Variants in PARN observed in about 807,000 individuals in gnomAD.
PARN encodes poly(A)-specific ribonuclease PARN.
In PARN, 71 loss-of-function variants were observed where a neutral mutation model predicts 102.8. That is an observed-to-expected ratio of 0.69 (90% CI 0.57 to 0.84). The LOEUF is 0.84. Ranked by LOEUF, PARN falls within the 40% of genes least tolerant of loss-of-function variation. PARN has a pLI of 0.00. For missense variants in PARN, 782 were observed against 760.9 expected, an observed-to-expected ratio of 1.03 and a Z score of -0.33; for synonymous variants, 261 against 252.9, an observed-to-expected ratio of 1.03 and a Z score of -0.30.
intron 22 of PARN, among the ~76,000 whole-genome samples, chr16:14,458,273 CA>C (rs924444350): frequency 1.1e-3 from 161 of 152,208 alleles, no homozygotes; most frequent in African/African-American, 3.6e-3. Context: ...AGGCTAGGAT[CA>C]AATTTACTTT....
intron 21 of PARN, among the ~76,000 whole-genome samples, chr16:14,483,742 C>T (rs1049860058): frequency 1.3e-5 from 2 of 152,202 alleles, no homozygotes; most frequent in Non-Finnish European, 2.9e-5. Context: ...TTATCTTCCT[C>T]AACTTGAAAA....
At chr16:14,606,745 T>A in intron 9 of PARN, among the ~76,000 whole-genome samples, 1 of 152,066 alleles carries the variant, frequency 6.6e-6, no homozygotes, top group East Asian at 1.9e-4. Flanking sequence ...TGGATTTGAC[T>A]TCAAATTAAT....
At chr16:14,559,294 TA>T (rs1967904810) in intron 18 of PARN, among the ~76,000 whole-genome samples, 1 of 151,982 alleles carries the variant, frequency 6.6e-6, no homozygotes, top group Non-Finnish European at 1.5e-5. Flanking sequence ...TTTTGAAAAA[TA>T]TTTTTTGTCA....
chr16:14,483,345 T>C (rs775255178), intron 21 of PARN, among the ~76,000 whole-genome samples: 30 of 152,166 alleles, frequency 2.0e-4, no homozygotes, highest in Non-Finnish European at 4.1e-4. Context: ...CTAATCTTCA[T>C]AGTACGCTTG....
At chr16:14,627,004 G>GC in intron 5 of PARN, 102 bp downstream of exon 5, 1 of 697,304 alleles carries the variant, frequency 1.4e-6, no homozygotes. Context: ...GAAATGATTT[G>GC]CCCCAAAGCC....
chr16:14,555,473 A>G (rs890017800), intron 19 of PARN, among the ~76,000 whole-genome samples, 181 bp downstream of exon 19: 2 of 152,236 alleles, frequency 1.3e-5, no homozygotes, highest in African/African-American at 4.8e-5. Flanking sequence ...ACATAAATGA[A>G]GAAATGACTA....
chr16:14,531,775 T>G (rs1486726929), intron 21 of PARN, among the ~76,000 whole-genome samples: 8 of 152,166 alleles, frequency 5.3e-5, no homozygotes, highest in Non-Finnish European at 1.2e-4. Context: ...GTTGACCAAC[T>G]TCGTACTCAA....
chr16:14,546,902 G>C (rs528058351), intron 21 of PARN, among the ~76,000 whole-genome samples: 1 of 152,054 alleles, frequency 6.6e-6, no homozygotes, highest in Non-Finnish European at 1.5e-5. Context: ...AGACCAGCCT[G>C]ACCAACATGG....
chr16:14,584,528 CCTT>C (rs1307600088), intron 15 of PARN, 106 bp from the exon 16 acceptor site: 17 of 895,236 alleles, frequency 1.9e-5, no homozygotes, highest in Admixed American at 2.8e-5. Flanking sequence ...AGTACTGTCT[CCTT>C]GTGTTCTTTA....
intron 18 of PARN, among the ~76,000 whole-genome samples, chr16:14,568,887 C>G (rs1968603467): frequency 6.7e-6 from 1 of 149,256 alleles, no homozygotes; most frequent in South Asian, 2.1e-4. Flanking sequence ...GAGCAAGACT[C>G]CATCTCAAAA....
At chr16:14,451,981 G>A (rs1038126573) in intron 22 of PARN, among the ~76,000 whole-genome samples, 27 of 149,452 alleles carry the variant, frequency 1.8e-4, no homozygotes, top group African/African-American at 4.4e-4. Flanking sequence ...GAGTCTGGGA[G>A]TTTGAGGTTT....
chr16:14,599,859 A>C, intron 12 of PARN, 45 bp downstream of exon 12: 1 of 1,182,616 alleles, frequency 8.5e-7, no homozygotes, highest in Non-Finnish European at 1.2e-6. Flanking sequence ...ACTTCACCTG[A>C]AATAGTATGT....
chr16:14,546,168 A>G (rs1966927536), intron 21 of PARN, among the ~76,000 whole-genome samples: 1 of 152,264 alleles, frequency 6.6e-6, no homozygotes, highest in Admixed American at 6.5e-5. Context: ...AATAAAAAGC[A>G]CAGGTAAAGT....
At chr16:14,464,332 A>G (rs1283389289) in intron 22 of PARN, among the ~76,000 whole-genome samples, 1 of 152,232 alleles carries the variant, frequency 6.6e-6, no homozygotes, top group Admixed American at 6.5e-5. Flanking sequence ...GAGAAAAAAT[A>G]TGGGGATGAC....
At chr16:14,475,677 G>A (rs1963003360) in intron 22 of PARN, among the ~76,000 whole-genome samples, 1 of 152,206 alleles carries the variant, frequency 6.6e-6, no homozygotes, top group Admixed American at 6.5e-5. Flanking sequence ...GCTCTGCCAA[G>A]GGCTCAGAGT....
intron 21 of PARN, among the ~76,000 whole-genome samples, chr16:14,530,555 AAC>A (rs1966269300): frequency 6.6e-6 from 1 of 151,604 alleles, no homozygotes; most frequent in African/African-American, 2.4e-5. Context: ...AAAAAAAAAA[AAC>A]TATATTATAT....
At chr16:14,449,100 C>A (rs571981090) in intron 22 of PARN, among the ~76,000 whole-genome samples, 3 of 152,080 alleles carry the variant, frequency 2.0e-5, no homozygotes, top group Non-Finnish European at 4.4e-5. Context: ...AAAATTCCTT[C>A]GCATTGTAAA....
chr16:14,553,966 A>G, intron 20 of PARN, 99 bp downstream of exon 20: 1 of 711,812 alleles, frequency 1.4e-6, no homozygotes, highest in Non-Finnish European at 2.4e-6. Context: ...GAATATTAAC[A>G]TTCTTTTATA....
intron 18 of PARN, among the ~76,000 whole-genome samples, chr16:14,572,994 T>G (rs1159759961): frequency 1.3e-5 from 2 of 151,758 alleles, no homozygotes; most frequent in East Asian, 3.9e-4. Flanking sequence ...GCTCAAGCAA[T>G]CCTCCTGCCT....
Sources: allele counts gnomAD v4.1 joint callset (sites outside exome capture counted in the v4.1 genomes callset), GRCh38; gene constraint gnomAD v4.1.1; transcripts MANE v1.5; gene names NCBI Gene and HGNC (gene_info 2026-07-23, HGNC 2026-07-21).